The following CREB5 variants were observed in gnomAD, a reference collection of about 807,000 sequenced individuals.
The protein encoded by CREB5 is cAMP responsive element binding protein 5, also known as cyclic AMP-responsive element-binding protein 5.
Under a neutral mutation model 57.1 loss-of-function variants are expected in CREB5, and 19 were observed. The ratio of observed to expected loss-of-function variants is 0.33; its 90% CI spans 0.23 to 0.49. The LOEUF (loss-of-function observed/expected upper bound fraction) is 0.49, where lower values mean the gene tolerates loss of function less well. Ranked by LOEUF, CREB5 falls within the 20% of genes least tolerant of loss-of-function variation. The probability of loss-of-function intolerance (pLI) is 0.99; values close to 1 mark genes in which losing one functional copy is unlikely to be tolerated. For synonymous variants in CREB5, 238 were observed against 238.3 expected, an observed-to-expected ratio of 1.00 and a Z score of 0.01; for missense variants, 579 against 671.6, an observed-to-expected ratio of 0.86 and a Z score of 1.52.
chr7:28,785,553 G>C (rs949519238), intron 7 of CREB5, among the ~76,000 whole-genome samples: 1 of 152,190 alleles, frequency 6.6e-6, no homozygotes, highest in African/African-American at 2.4e-5. Flanking sequence ...CTGGGAAAAC[G>C]TCATGTCATT....
At chr7:28,741,927 G>A (rs754515399) in intron 7 of CREB5, among the ~76,000 whole-genome samples, 2 of 151,780 alleles carry the variant, frequency 1.3e-5, no homozygotes, top group African/African-American at 4.8e-5. Context: ...TTAGCCAGGC[G>A]TGGTGGTGTG....
chr7:28,745,178 G>A (rs1804622501), intron 7 of CREB5, among the ~76,000 whole-genome samples: 1 of 152,192 alleles, frequency 6.6e-6, no homozygotes, highest in African/African-American at 2.4e-5. Context: ...TTCATAAGTT[G>A]TAGTCGCTCT....
At chr7:28,688,332 G>A (rs1008687584) in intron 5 of CREB5, among the ~76,000 whole-genome samples, 2 of 152,172 alleles carry the variant, frequency 1.3e-5, no homozygotes, top group East Asian at 1.9e-4. Flanking sequence ...AAAAGATCCC[G>A]CACATCCTTC....
intron 5 of CREB5, among the ~76,000 whole-genome samples, chr7:28,682,632 AAAG>A: frequency 6.6e-6 from 1 of 151,906 alleles, no homozygotes; most frequent in East Asian, 2.0e-4. Context: ...ACAACATTTG[AAAG>A]AAGATGATAT....
chr7:28,585,230 A>G (rs1037920073), intron 5 of CREB5, among the ~76,000 whole-genome samples: 1 of 152,232 alleles, frequency 6.6e-6, no homozygotes, highest in Non-Finnish European at 1.5e-5. Context: ...GTAGAGAGGT[A>G]TGGGGGCTTT....
intron 5 of CREB5, among the ~76,000 whole-genome samples, chr7:28,633,824 C>T (rs560660436): frequency 6.6e-6 from 1 of 152,308 alleles, no homozygotes; most frequent in South Asian, 2.1e-4. Context: ...GGTCATACAT[C>T]TTCAAACCTA....
At chr7:28,687,293 G>A (rs150008698) in intron 5 of CREB5, among the ~76,000 whole-genome samples, 105 of 152,062 alleles carry the variant, frequency 6.9e-4, no homozygotes, top group African/African-American at 2.5e-3. Flanking sequence ...TGCTTCAGTA[G>A]TGAGGGGGCG....
intron 1 of CREB5, among the ~76,000 whole-genome samples, chr7:28,400,560 A>G (rs1426340774): frequency 1.3e-5 from 2 of 152,242 alleles, no homozygotes; most frequent in Non-Finnish European, 2.9e-5. Flanking sequence ...TATAGGCAGA[A>G]TATTTTAAAA....
At chr7:28,773,560 C>A (rs1806455648) in intron 7 of CREB5, among the ~76,000 whole-genome samples, 1 of 152,156 alleles carries the variant, frequency 6.6e-6, no homozygotes, top group African/African-American at 2.4e-5. Flanking sequence ...ACTACCCAAG[C>A]CTACCATTGT....
At chr7:28,817,030 G>A (rs1809479433) in intron 9 of CREB5, among the ~76,000 whole-genome samples, 1 of 152,152 alleles carries the variant, frequency 6.6e-6, no homozygotes, top group African/African-American at 2.4e-5. Context: ...ATTCTACAAA[G>A]CTATGAGCAT....
chr7:28,554,981 G>A (rs549689440), intron 4 of CREB5, among the ~76,000 whole-genome samples: 1 of 152,132 alleles, frequency 6.6e-6, no homozygotes, highest in Non-Finnish European at 1.5e-5. Flanking sequence ...TAAGATAAAA[G>A]ACCATAAGCA....
At chr7:28,706,690 CATG>C (rs1222519113) in intron 5 of CREB5, among the ~76,000 whole-genome samples, 1 of 152,172 alleles carries the variant, frequency 6.6e-6, no homozygotes, top group Non-Finnish European at 1.5e-5. Context: ...AATTCTGCTT[CATG>C]ATAAGTGCTC....
intron 1 of CREB5, among the ~76,000 whole-genome samples, chr7:28,367,461 C>A (rs1198126142): frequency 6.6e-6 from 1 of 152,140 alleles, no homozygotes; most frequent in African/African-American, 2.4e-5. Flanking sequence ...AGGAGTTATT[C>A]TTGATTTCTC....
chr7:28,496,633 A>T (rs140241797), intron 3 of CREB5, among the ~76,000 whole-genome samples: 2 of 152,206 alleles, frequency 1.3e-5, no homozygotes, highest in African/African-American at 4.8e-5. Flanking sequence ...CACTTTATAG[A>T]CACGGTCAGA....
intron 5 of CREB5, among the ~76,000 whole-genome samples, chr7:28,703,699 C>T (rs1455450555): frequency 6.6e-6 from 1 of 152,160 alleles, no homozygotes; most frequent in African/African-American, 2.4e-5. Context: ...ATAACTCAAC[C>T]TTCCTCCACC....
At chr7:28,438,233 T>C (rs1487575563) in intron 1 of CREB5, among the ~76,000 whole-genome samples, 2 of 152,164 alleles carry the variant, frequency 1.3e-5, no homozygotes, top group East Asian at 1.9e-4. Context: ...TCCTTTAACA[T>C]GTAGATGACC....
intron 7 of CREB5, among the ~76,000 whole-genome samples, chr7:28,731,931 C>A (rs374072621): frequency 1.3e-5 from 2 of 152,154 alleles, no homozygotes; most frequent in African/African-American, 4.8e-5. Context: ...CTGAGGATTT[C>A]ATCCCTTGGC....
intron 7 of CREB5, among the ~76,000 whole-genome samples, chr7:28,732,260 T>A (rs1018767381): frequency 1.3e-5 from 2 of 152,186 alleles, no homozygotes; most frequent in East Asian, 3.9e-4. Flanking sequence ...CACCCTGTTT[T>A]GGTAACCACG....
chr7:28,776,350 AAG>A (rs60757854), intron 7 of CREB5, among the ~76,000 whole-genome samples: 35,384 of 145,344 alleles, frequency 0.24, 5,029 homozygotes, highest in Non-Finnish European at 0.33. Flanking sequence ...AAAAAAAAAA[AAG>A]AAGAAGAAGA....
Sources: gnomAD v4.1 joint callset for allele counts (sites outside exome capture counted in the v4.1 genomes callset) on GRCh38, gnomAD v4.1.1 for gene constraint, MANE v1.5 for transcripts, NCBI Gene and HGNC (gene_info 2026-07-23, HGNC 2026-07-21) for gene names.